Variants in TTC23L observed in about 807,000 individuals in gnomAD.
The protein encoded by TTC23L is tetratricopeptide repeat protein 23-like.
A neutral mutation model predicts 48.1 loss-of-function variants in TTC23L; 42 were observed. The observed-to-expected ratio is 0.87, with a 90% confidence interval of 0.68 to 1.13. The LOEUF is 1.13. Among genes scored for constraint, TTC23L ranks in the 50% most tolerant of loss-of-function variants. The pLI is 0.00. For synonymous variants in TTC23L, 159 were observed against 157.2 expected (o/e 1.01, Z -0.09); for missense variants, 391 against 421.0 (o/e 0.93, Z 0.62).
chr5:34,922,985 T>C, the TTC23L span: 5 of 1,493,632 alleles, frequency 3.3e-6, no homozygotes, highest in Non-Finnish European at 4.6e-6. Context: ...ATAATATGCT[T>C]ACCTTATTTT....
chr5:34,869,833 T>C (rs904820282), intron 8 of TTC23L: 1 of 152,220 alleles, frequency 6.6e-6, no homozygotes. Flanking sequence ...ATAAACATTT[T>C]TTTTCAGTTT....
the TTC23L span, chr5:34,925,139 T>C: frequency 6.9e-7 from 1 of 1,451,914 alleles, no homozygotes; most frequent in Non-Finnish European, 9.1e-7. Flanking sequence ...GCTGAAAGGA[T>C]ATATGGTTCA....
intron 10 of TTC23L, 136 bp downstream of exon 10, chr5:34,897,011 G>GA: frequency 4.2e-5 from 21 of 502,246 alleles, no homozygotes; most frequent in Non-Finnish European, 5.0e-5. Flanking sequence ...AATCATTTAA[G>GA]GAAAAAAAAA....
At chr5:34,885,417 T>C (rs1762484200) in intron 9 of TTC23L, among the ~76,000 whole-genome samples, 1 of 152,130 alleles carries the variant, frequency 6.6e-6, no homozygotes, top group South Asian at 2.1e-4. Flanking sequence ...TGTAGGAAAA[T>C]GTTCTTGTTC....
intron 8 of TTC23L, among the ~76,000 whole-genome samples, chr5:34,879,068 T>TCTTTCAG (rs1762047071): frequency 6.6e-6 from 1 of 152,202 alleles, no homozygotes; most frequent in Non-Finnish European, 1.5e-5. Context: ...CTGAAAGTCA[T>TCTTTCAG]TATCTTAAGT....
At chr5:34,872,567 C>T (rs1761541246) in intron 8 of TTC23L, among the ~76,000 whole-genome samples, 1 of 151,850 alleles carries the variant, frequency 6.6e-6, no homozygotes, top group Admixed American at 6.6e-5. Context: ...TTGGCAAATT[C>T]ATAACTAGTA....
At chr5:34,919,274 C>CAAA in the TTC23L span, among the ~76,000 whole-genome samples, 11 of 35,966 alleles carry the variant, frequency 3.1e-4, no homozygotes, top group Non-Finnish European at 3.5e-4. Context: ...GACCCTGTCT[C>CAAA]AAAAAAAAAA....
chr5:34,920,750 A>G, the TTC23L span: 1 of 152,218 alleles, frequency 6.6e-6, no homozygotes, highest in Non-Finnish European at 1.5e-5. Flanking sequence ...GCTAGAGAAA[A>G]TGGCAACTAC....
At chr5:34,901,209 A>G (rs1763501415), downstream of TTC23L, among the ~76,000 whole-genome samples, 1 of 151,910 alleles carries the variant, frequency 6.6e-6, no homozygotes, top group Admixed American at 6.6e-5. Context: ...GTTTTTTCAA[A>G]TTGTCAAAAA....
At chr5:34,844,238 G>A (rs914212436) in intron 2 of TTC23L, among the ~76,000 whole-genome samples, 4 of 152,186 alleles carry the variant, frequency 2.6e-5, no homozygotes, top group African/African-American at 9.7e-5. Flanking sequence ...TCTGTGGGCA[G>A]AAGGCAAGCC....
chr5:34,850,185 A>C (rs961701396), exon 4 of TTC23L: 1 of 1,613,838 alleles, frequency 6.2e-7, no homozygotes, highest in African/African-American at 1.3e-5. Context: ...TACTCTACAG[A>C]ATACTCAAGC....
downstream of TTC23L, among the ~76,000 whole-genome samples, chr5:34,901,408 C>A (rs1763507972): frequency 6.6e-6 from 1 of 152,204 alleles, no homozygotes; most frequent in South Asian, 2.1e-4. Context: ...TTACCCTGAT[C>A]TGATTTACTG....
At chr5:34,914,847 T>A in the TTC23L span, 15 of 1,614,070 alleles carry the variant, frequency 9.3e-6, no homozygotes, top group Admixed American at 1.7e-5. Flanking sequence ...GCCACAAGGC[T>A]GTACTGATCA....
chr5:34,888,216 G>A (rs1203668459), intron 9 of TTC23L, among the ~76,000 whole-genome samples: 1 of 152,178 alleles, frequency 6.6e-6, no homozygotes, highest in Non-Finnish European at 1.5e-5. Context: ...GACTAAGACA[G>A]CATGGCTACA....
intron 9 of TTC23L, among the ~76,000 whole-genome samples, chr5:34,886,976 A>G (rs1340017482): frequency 1.3e-5 from 2 of 152,150 alleles, no homozygotes; most frequent in African/African-American, 4.8e-5. Flanking sequence ...CAGTCAGTGT[A>G]CTGACAGAAT....
chr5:34,885,764 C>A (rs996141193), intron 9 of TTC23L, among the ~76,000 whole-genome samples: 4 of 150,562 alleles, frequency 2.7e-5, no homozygotes, highest in Non-Finnish European at 4.4e-5. Flanking sequence ...AAGAAAGAAA[C>A]CATTTAGGAG....
chr5:34,845,967 C>T (rs567748800), intron 3 of TTC23L, among the ~76,000 whole-genome samples: 15 of 152,088 alleles, frequency 9.9e-5, no homozygotes, highest in African/African-American at 3.1e-4. Context: ...AAAACCGAGG[C>T]GGGAGGATCT....
chr5:34,920,828 T>G, the TTC23L span: 1 of 151,992 alleles, frequency 6.6e-6, no homozygotes, highest in African/African-American at 2.4e-5. Context: ...AAACAAAAGT[T>G]TTGTTTTTTT....
At chr5:34,839,879 A>C (rs1758456572) in intron 1 of TTC23L, among the ~76,000 whole-genome samples, 2 of 152,214 alleles carry the variant, frequency 1.3e-5, no homozygotes, top group South Asian at 4.2e-4. Context: ...TAACAGCAAC[A>C]ACTAAAACAG....
Sources: gnomAD v4.1 joint callset for allele counts (sites outside exome capture counted in the v4.1 genomes callset) on GRCh38, gnomAD v4.1.1 for gene constraint, MANE v1.5 for transcripts, NCBI Gene and HGNC (gene_info 2026-07-23, HGNC 2026-07-21) for gene names.